The following NRG1 variants were observed in gnomAD, a reference collection of about 807,000 sequenced individuals.
The protein encoded by NRG1 is pro-neuregulin-1, membrane-bound isoform.
NRG1 carries 18 observed loss-of-function variants against 63.8 expected under a neutral mutation model. The observed-to-expected ratio is 0.28, with a 90% CI of 0.19 to 0.42. The LOEUF (loss-of-function observed/expected upper bound fraction) is 0.42, where lower values mean the gene tolerates loss of function less well. Among genes scored for constraint, NRG1 ranks in the 10% least tolerant of loss-of-function variants. The pLI, the probability that NRG1 is intolerant of heterozygous loss-of-function variation, is 1.00. For missense variants in NRG1, 762 were observed against 814.7 expected, an observed-to-expected ratio of 0.94 and a Z score of 0.79; for synonymous variants, 302 against 301.3, an observed-to-expected ratio of 1.00 and a Z score of -0.02.
chr8:32,739,641 G>A (rs1458511121), intron 6 of NRG1, among the ~76,000 whole-genome samples: 2 of 152,134 alleles, frequency 1.3e-5, no homozygotes, highest in African/African-American at 4.8e-5. Flanking sequence ...CCTTTACCTA[G>A]TTGTCTTGTG....
intron 1 of NRG1, among the ~76,000 whole-genome samples, chr8:31,804,763 T>C (rs1322289122): frequency 6.6e-6 from 1 of 152,156 alleles, no homozygotes; most frequent in African/African-American, 2.4e-5. Flanking sequence ...ACATTGAAGA[T>C]TATCTCCTTT....
chr8:31,787,705 G>A (rs1455026638), intron 1 of NRG1, among the ~76,000 whole-genome samples: 1 of 152,136 alleles, frequency 6.6e-6, no homozygotes, highest in Non-Finnish European at 1.5e-5. Flanking sequence ...TACACTGAAT[G>A]CATGTTTGGC....
intron 1 of NRG1, among the ~76,000 whole-genome samples, chr8:32,228,841 C>T (rs1846605469): frequency 6.6e-6 from 1 of 152,104 alleles, no homozygotes; most frequent in South Asian, 2.1e-4. Flanking sequence ...CCAAGTTAAA[C>T]GACCTCCTAT....
intron 1 of NRG1, among the ~76,000 whole-genome samples, chr8:31,665,960 C>G (rs962887313): frequency 6.6e-6 from 1 of 151,390 alleles, no homozygotes; most frequent in Non-Finnish European, 1.5e-5. Context: ...GTCTTTTTGC[C>G]GTTTGGGAAC....
chr8:32,726,590 A>G (rs1822257578), intron 5 of NRG1, among the ~76,000 whole-genome samples: 1 of 152,138 alleles, frequency 6.6e-6, no homozygotes, highest in Admixed American at 6.6e-5. Context: ...AATAAGAGGT[A>G]AGCAAGGCCA....
chr8:32,485,483 A>G (rs140428385), intron 1 of NRG1, among the ~76,000 whole-genome samples: 2,618 of 152,274 alleles, frequency 0.017, 37 homozygotes, highest in Non-Finnish European at 0.028. Flanking sequence ...AATTGTTTAC[A>G]TATCTGTCTG....
rs141920777 is a variant in NRG1 at position 32,759,330 on chromosome 8, T to A, written c.946T>A (p.Ser316Thr). 4 of 1,613,662 alleles carry A rather than the reference T, an allele frequency of 2.5e-6. No individual in the cohort carries two copies. In the African/African-American group the frequency reaches 5.3e-5, roughly 22 times the overall value. Residue 316 changes from serine (S) to threonine (T), a missense_variant, in exon 10 of 12, where the codon TCC (serine) becomes ACC (threonine). Coordinates refer to ENST00000356819, the Ensembl canonical transcript of NRG1. The stretch of plus-strand genomic sequence containing the variant: ...GCAATACGTATCTAAAAACGTCATC[T>A]CCAGTGAGCATATTGTTGAGAGAGA...
chr8:31,648,845 T>A (rs1804561402), intron 1 of NRG1, among the ~76,000 whole-genome samples: 1 of 152,268 alleles, frequency 6.6e-6, no homozygotes, highest in Admixed American at 6.5e-5. Flanking sequence ...ATTTTGGCTA[T>A]TATAAATAAT....
intron 1 of NRG1, among the ~76,000 whole-genome samples, chr8:31,994,042 G>T (rs182884283): frequency 9.9e-5 from 15 of 151,882 alleles, no homozygotes; most frequent in African/African-American, 3.6e-4. Context: ...ATTTTGGCAG[G>T]GTCTAGTTGC....
At chr8:32,269,942 T>A (rs1181109437) in intron 1 of NRG1, among the ~76,000 whole-genome samples, 3 of 152,108 alleles carry the variant, frequency 2.0e-5, no homozygotes, top group Admixed American at 6.6e-5. Context: ...GTGATTAGAG[T>A]GCTTGTGCTC....
At chr8:32,440,745 T>C (rs1232769806) in intron 1 of NRG1, 1 of 152,150 alleles carries the variant, frequency 6.6e-6, no homozygotes, top group African/African-American at 2.4e-5. Flanking sequence ...CAGTGAACCA[T>C]CTAGACAGAG....
intron 1 of NRG1, among the ~76,000 whole-genome samples, chr8:32,001,109 T>C (rs1727978428): frequency 1.3e-5 from 2 of 152,054 alleles, no homozygotes; most frequent in South Asian, 4.1e-4. Flanking sequence ...ATTAGTGTGG[T>C]AGATTTGTTA....
chr8:31,703,911 T>C (rs914667710), intron 1 of NRG1, among the ~76,000 whole-genome samples: 1 of 152,244 alleles, frequency 6.6e-6, no homozygotes, highest in African/African-American at 2.4e-5. Context: ...AATTAATTTT[T>C]CTTAAACACT....
chr8:32,164,043 A>G (rs767201117), intron 1 of NRG1, among the ~76,000 whole-genome samples: 4 of 152,266 alleles, frequency 2.6e-5, no homozygotes, highest in Non-Finnish European at 4.4e-5. Flanking sequence ...GAGTGCGTGA[A>G]CATTCGATTC....
chr8:32,645,756 A>G (rs1200598729), intron 5 of NRG1, among the ~76,000 whole-genome samples: 1 of 152,228 alleles, frequency 6.6e-6, no homozygotes, highest in Non-Finnish European at 1.5e-5. Flanking sequence ...TTAGATGTCC[A>G]ATCACAGTAA....
rs1005810317 is a variant in NRG1, at chr8:31,820,866, C to T, written c.37+181435C>T. 6.6e-5 allele frequency among the ~76,000 whole-genome samples: 10 copies of T among 152,126 alleles called. No individual in the cohort carries two copies. The East Asian group carries it at 1.7e-3, about 26-fold the overall frequency. On this transcript the variant is annotated intron_variant, in intron 1 of 10. Coordinates refer to the NRG1 transcript ENST00000519301. The stretch of plus-strand genomic sequence containing the variant: ...TACAAGCATTAAGGCCTTCCAAAGG[C>T]AAAATCAGGCTAGGTGTGAAACATG...
At chr8:32,583,990 G>T (rs1424494930) in intron 1 of NRG1, among the ~76,000 whole-genome samples, 1 of 152,222 alleles carries the variant, frequency 6.6e-6, no homozygotes, top group South Asian at 2.1e-4. Context: ...AGAATGTGTG[G>T]GAAGCAGCTC....
At chr8:32,534,979 C>A (rs1432875641) in intron 1 of NRG1, among the ~76,000 whole-genome samples, 1 of 152,086 alleles carries the variant, frequency 6.6e-6, no homozygotes, top group Non-Finnish European at 1.5e-5. Context: ...GCTAAAATGG[C>A]TCTATGGAAA....
At chr8:32,737,209 T>G (rs1825289551) in intron 6 of NRG1, among the ~76,000 whole-genome samples, 1 of 152,036 alleles carries the variant, frequency 6.6e-6, no homozygotes, top group African/African-American at 2.4e-5. Context: ...TTAAAGGATT[T>G]TATTGGAGGG....
Sources: gnomAD v4.1 joint callset for allele counts (sites outside exome capture counted in the v4.1 genomes callset) on GRCh38, gnomAD v4.1.1 for gene constraint, MANE v1.5 for transcripts, NCBI Gene and HGNC (gene_info 2026-07-23, HGNC 2026-07-21) for gene names.